RTTN: variants seen among roughly 807,000 people sequenced by gnomAD.
RTTN encodes the protein rotatin.
RTTN carries 182 observed loss-of-function variants against 269.2 expected under a neutral mutation model. The observed-to-expected ratio is 0.68, with a 90% CI of 0.60 to 0.76. The LOEUF (loss-of-function observed/expected upper bound fraction) is 0.76, where lower values mean the gene tolerates loss of function less well. Ranked by LOEUF, RTTN falls within the 30% of genes least tolerant of loss-of-function variation. RTTN has a pLI of 0.00. For synonymous variants in RTTN, 1,006 were observed against 963.5 expected, an observed-to-expected ratio of 1.04 and a Z score of -0.82; for missense variants, 2,545 against 2,608.6, an observed-to-expected ratio of 0.98 and a Z score of 0.53.
chr18:70,140,357 C>T (rs58641436), intron 19 of RTTN, among the ~76,000 whole-genome samples, 169 bp from the exon 20 acceptor site: 2 of 152,224 alleles, frequency 1.3e-5, no homozygotes, highest in African/African-American at 2.4e-5. Context: ...TTTACGTACA[C>T]CTGTCCAATT....
intron 43 of RTTN, among the ~76,000 whole-genome samples, chr18:70,027,963 A>C (rs2056899966): frequency 6.6e-6 from 1 of 152,192 alleles, no homozygotes; most frequent in African/African-American, 2.4e-5. Flanking sequence ...TTTATAAGGC[A>C]ATAAAAGCTT....
rs754031276 is a variant in RTTN, at chr18:70,030,006, T to G, written c.5745+6A>C. On this transcript the variant is annotated splice_donor_region_variant and intron_variant, in intron 42 of 48. Transcript: ENST00000640769. ...ATATAGCCATTCATTTATCCCAGAATGTTACCTTTTTTTTCAATGCTGCTT... is the reference window on the plus strand; with the variant it reads ...ATATAGCCATTCATTTATCCCAGAAGGTTACCTTTTTTTTCAATGCTGCTT... 8.7e-6 allele frequency: 14 copies of G among 1,604,704 alleles called. No homozygotes were observed. In the African/African-American group the frequency reaches 1.9e-4, roughly 21 times the overall value.
chr18:70,110,236 TAA>T (rs80034761), intron 27 of RTTN, among the ~76,000 whole-genome samples: 18 of 128,724 alleles, frequency 1.4e-4, no homozygotes, highest in Non-Finnish European at 1.7e-4. Context: ...CATCCCTTTT[TAA>T]AAAAAAAAAA....
chr18:70,176,593 G>A (rs2061307258), intron 11 of RTTN, 82 bp downstream of exon 11: 1 of 1,314,918 alleles, frequency 7.6e-7, no homozygotes, highest in Non-Finnish European at 1.0e-6. Context: ...TTCACACCAT[G>A]AAAAGAGCAG....
At chr18:70,179,610 C>T (rs1054780027) in intron 10 of RTTN, among the ~76,000 whole-genome samples, 1 of 152,016 alleles carries the variant, frequency 6.6e-6, no homozygotes, top group Non-Finnish European at 1.5e-5. Context: ...GGAAAAGACC[C>T]GTCCTCACAG....
intron 44 of RTTN, among the ~76,000 whole-genome samples, chr18:70,022,072 A>C (rs1028816537): frequency 6.6e-6 from 1 of 152,134 alleles, no homozygotes; most frequent in African/African-American, 2.4e-5. Context: ...CATAAATTCT[A>C]ATTTATTTTC....
chr18:70,095,193 T>C (rs1299714858), intron 28 of RTTN, among the ~76,000 whole-genome samples: 4 of 152,078 alleles, frequency 2.6e-5, no homozygotes, highest in African/African-American at 9.7e-5. Flanking sequence ...CTTATGTGTG[T>C]CTTGCATGTG....
intron 45 of RTTN, chr18:70,019,987 T>C (rs1008301389): frequency 7.9e-5 from 12 of 152,250 alleles, no homozygotes; most frequent in East Asian, 1.9e-4. Flanking sequence ...TCTGATTACA[T>C]TCAAATTTGA....
chr18:70,120,544 T>C (rs1183327845), intron 26 of RTTN, among the ~76,000 whole-genome samples: 1 of 152,178 alleles, frequency 6.6e-6, no homozygotes, highest in Non-Finnish European at 1.5e-5. Flanking sequence ...ATGTCCTATA[T>C]CAGTTTAGGC....
At chr18:70,157,135 A>G (rs140454116) in intron 14 of RTTN, among the ~76,000 whole-genome samples, 4 of 146,860 alleles carry the variant, frequency 2.7e-5, no homozygotes, top group African/African-American at 1.0e-4. Flanking sequence ...GCACTTGCCC[A>G]TGGTTACCCC....
rs114345743 is a variant in RTTN at position 70,088,772 on chromosome 18, T to A, written c.4144-625A>T. On this transcript the variant is annotated intron_variant, in intron 30 of 48. Coordinates refer to ENST00000640769, the MANE Select transcript of RTTN (RefSeq NM_173630.4). ...ATAGAATTTTTTAAAAATGCAGTCA[T>A]AAAATTGTCAAGTAGTAAGTCCAAG... Among the ~76,000 whole-genome samples, 687 of 152,260 alleles carry A rather than the reference T, an allele frequency of 4.5e-3. 6 individuals carry two copies. The highest frequency in any genetic ancestry group is 0.016 in the African/African-American group (649 of 41,550).
At chr18:70,030,223 C>T in intron 41 of RTTN, 114 bp from the exon 42 acceptor site, 2 of 664,310 alleles carry the variant, frequency 3.0e-6, no homozygotes, top group Non-Finnish European at 2.5e-6. Context: ...TGACCCACTT[C>T]ATTTTAGAAT....
chr18:70,166,478 A>G, intron 13 of RTTN: 1 of 233,344 alleles, frequency 4.3e-6, no homozygotes, highest in Non-Finnish European at 8.2e-6. Context: ...TAAAGACACT[A>G]AGTTCTAAAT....
At position 70,150,710 on chromosome 18, in the gene RTTN, G is replaced by A. The variant is rs1207901753; in HGVS notation, c.1953C>T (p.Val651=). 1 of 1,602,206 alleles carries A rather than the reference G, an allele frequency of 6.2e-7. No homozygotes were observed. The highest frequency in any genetic ancestry group is 1.7e-5 in the Admixed American group (1 of 59,626). ...ITKECLGVHN[V]TKPVSSLCNG... is the part of the protein sequence containing the mutation. ...TGCAAAGTGAAGACACGGGTTTAGT[G>A]ACATTATGGACACCTAAACATTCCT... is the stretch of plus-strand genomic sequence containing the variant. The change falls in exon 15 of 49, where the codon GTC becomes GTT. Residue 651 remains valine (V), a synonymous_variant. Transcript: ENST00000640769.
intron 40 of RTTN, among the ~76,000 whole-genome samples, chr18:70,032,718 T>C (rs1269043021): frequency 6.6e-6 from 1 of 152,148 alleles, no homozygotes; most frequent in Non-Finnish European, 1.5e-5. Flanking sequence ...TAGACTCCCA[T>C]AGGGTAACGT....
At chr18:70,069,595 C>T (rs2058241336) in intron 34 of RTTN, among the ~76,000 whole-genome samples, 1 of 152,152 alleles carries the variant, frequency 6.6e-6, no homozygotes, top group South Asian at 2.1e-4. Context: ...AGCAAAAATG[C>T]ATCAATGTAC....
chr18:70,023,590 T>A (rs1293143458), intron 44 of RTTN, among the ~76,000 whole-genome samples: 1 of 152,118 alleles, frequency 6.6e-6, no homozygotes, highest in African/African-American at 2.4e-5. Context: ...CCCGGACACC[T>A]TTTTTTCCTT....
chr18:70,186,979 A>G (rs1036809601), intron 10 of RTTN, among the ~76,000 whole-genome samples: 1 of 152,180 alleles, frequency 6.6e-6, no homozygotes, highest in Admixed American at 6.5e-5. Flanking sequence ...GTTTACCTAC[A>G]TAACAAACCT....
At chr18:70,109,747 A>G in intron 27 of RTTN, 30 bp from the exon 28 acceptor site, 1 of 1,577,630 alleles carries the variant, frequency 6.3e-7, no homozygotes, top group Non-Finnish European at 8.7e-7. Flanking sequence ...AAAATCAACC[A>G]CCAAGAAAGT....
Sources: allele counts gnomAD v4.1 joint callset (sites outside exome capture counted in the v4.1 genomes callset), GRCh38; gene constraint gnomAD v4.1.1; transcripts MANE v1.5; gene names NCBI Gene and HGNC (gene_info 2026-07-23, HGNC 2026-07-21).